The following MSI2 variants were observed in gnomAD, a reference collection of about 807,000 sequenced individuals.
The protein encoded by MSI2 is musashi RNA binding protein 2.
A neutral mutation model predicts 45.6 loss-of-function variants in MSI2; 17 were observed. The ratio of observed to expected loss-of-function variants is 0.37; its 90% confidence interval spans 0.26 to 0.56. The LOEUF is 0.56. Among genes scored for constraint, MSI2 ranks in the 20% least tolerant of loss-of-function variants. MSI2 has a pLI of 0.77. For missense variants in MSI2, 293 were observed against 444.2 expected, an observed-to-expected ratio of 0.66 and a Z score of 3.06; for synonymous variants, 156 against 158.2, an observed-to-expected ratio of 0.99 and a Z score of 0.11.
chr17:57,296,189 A>G (rs887500034), intron 5 of MSI2, among the ~76,000 whole-genome samples: 3 of 152,054 alleles, frequency 2.0e-5, no homozygotes, highest in Admixed American at 6.6e-5. Context: ...GATTATTAAT[A>G]AATTGAGACA....
intron 6 of MSI2, chr17:57,449,060 G>A (rs2084949798): frequency 6.6e-6 from 1 of 152,412 alleles, no homozygotes; most frequent in Admixed American, 6.5e-5. Context: ...AGCTAGGGTT[G>A]ACACCCACAT....
the MSI2 span, among the ~76,000 whole-genome samples, chr17:57,699,291 G>A: frequency 2.0e-5 from 3 of 150,846 alleles, no homozygotes; most frequent in Non-Finnish European, 1.5e-5. Flanking sequence ...GAGAGAGAGA[G>A]AGTGTGTAAG....
intron 6 of MSI2, among the ~76,000 whole-genome samples, chr17:57,473,369 C>G (rs769701970): frequency 1.3e-5 from 2 of 152,182 alleles, no homozygotes; most frequent in African/African-American, 2.4e-5. Flanking sequence ...ACTCATTCCC[C>G]AAAGAGAGAT....
At chr17:57,642,411 TA>T (rs1418662076) in intron 10 of MSI2, among the ~76,000 whole-genome samples, 1 of 152,234 alleles carries the variant, frequency 6.6e-6, no homozygotes, top group African/African-American at 2.4e-5. Flanking sequence ...GCATTTGGTG[TA>T]GCCACGCCCA....
chr17:57,548,898 T>TCCCCCCCCCCCCCC (rs758120237), intron 7 of MSI2, among the ~76,000 whole-genome samples: 82 of 121,270 alleles, frequency 6.8e-4, no homozygotes, highest in South Asian at 1.1e-3. Context: ...TGTTTACCCT[T>TCCCCCCCCCCCCCC]CCCCCCCCCA....
At chr17:57,272,239 C>G (rs1908441505) in intron 5 of MSI2, among the ~76,000 whole-genome samples, 1 of 152,184 alleles carries the variant, frequency 6.6e-6, no homozygotes, top group Admixed American at 6.5e-5. Flanking sequence ...CCTAAAGAGG[C>G]CGTGAATGTT....
rs529483866 is a variant in MSI2, at chr17:57,543,085, C to T, written c.454+13361C>T. Among the ~76,000 whole-genome samples the T allele has an allele frequency of 4.4e-4, 67 of 152,324 alleles. No individual in the cohort carries two copies. In the Middle Eastern group the frequency reaches 0.014, roughly 31 times the overall value. On this transcript the variant is annotated intron_variant, in intron 7 of 13. Transcript: ENST00000284073. The stretch of plus-strand genomic sequence containing the variant: ...AACTGAGAATGGTTCCTACTCAATG[C>T]TTCCCATCTCAACTTCCTTTGCTCT...
At chr17:57,507,769 C>T (rs1298951108) in intron 6 of MSI2, among the ~76,000 whole-genome samples, 5 of 152,242 alleles carry the variant, frequency 3.3e-5, no homozygotes, top group South Asian at 4.1e-4. Context: ...ACGTCCACTC[C>T]GGTGTATTTG....
intron 6 of MSI2, among the ~76,000 whole-genome samples, chr17:57,452,525 A>C (rs1255877810): frequency 2.6e-5 from 4 of 152,220 alleles, no homozygotes; most frequent in African/African-American, 7.2e-5. Flanking sequence ...CTGTTGCAGC[A>C]GTCTTAACAA....
At chr17:57,454,358 A>T (rs1274001569) in intron 6 of MSI2, among the ~76,000 whole-genome samples, 1 of 151,732 alleles carries the variant, frequency 6.6e-6, no homozygotes, top group Non-Finnish European at 1.5e-5. Flanking sequence ...AGCCCGCCTC[A>T]TCTTCCCTGT....
intron 5 of MSI2, among the ~76,000 whole-genome samples, chr17:57,388,909 CTCCCAG>C (rs1351868169): frequency 2.0e-5 from 3 of 152,076 alleles, no homozygotes; most frequent in African/African-American, 4.8e-5. Context: ...CTGCCTCTGC[CTCCCAG>C]AGTGCTGAGA....
intron 5 of MSI2, chr17:57,365,131 G>A (rs997540988): frequency 3.9e-5 from 6 of 152,212 alleles, no homozygotes; most frequent in Non-Finnish European, 5.9e-5. Flanking sequence ...GTCATGTGCA[G>A]AGAAATGTAT....
At chr17:57,633,121 T>C in intron 10 of MSI2, 1 of 1,027,550 alleles carries the variant, frequency 9.7e-7, no homozygotes, top group South Asian at 4.6e-5. Context: ...TTCTCCCTGA[T>C]GACGTTTTAT....
intron 6 of MSI2, among the ~76,000 whole-genome samples, chr17:57,440,518 G>C (rs2084780992): frequency 6.9e-6 from 1 of 144,730 alleles, no homozygotes. Flanking sequence ...GCTAAAAGAG[G>C]TTAAGAGGAG....
intron 5 of MSI2, among the ~76,000 whole-genome samples, chr17:57,376,260 A>G (rs1468976778): frequency 1.3e-5 from 2 of 152,192 alleles, no homozygotes; most frequent in African/African-American, 2.4e-5. Context: ...GGTATACAAT[A>G]CTTTGGAAAT....
At position 57,674,417 on chromosome 17, in the gene MSI2, C is replaced by T. The variant is rs114087476; in HGVS notation, c.791-555C>T. Reference sequence around the variant, plus strand: ...ACACACAAAAAAAGATCAAAAATCCCCTCTGCAAAGATTTTTTTTTTCCTG... The same window carrying T: ...ACACACAAAAAAAGATCAAAAATCCTCTCTGCAAAGATTTTTTTTTTCCTG... On this transcript the variant is annotated intron_variant, in intron 11 of 13. Transcript: ENST00000284073. 6.0e-3 allele frequency among the ~76,000 whole-genome samples: 911 copies of T among 151,732 alleles called. 10 individuals are homozygous for T. Among genetic ancestry groups the T allele is most frequent in the African/African-American group, 0.021 (872 of 41,184 alleles).
intron 5 of MSI2, among the ~76,000 whole-genome samples, chr17:57,272,402 G>A (rs1287182912): frequency 6.6e-6 from 1 of 152,180 alleles, no homozygotes; most frequent in African/African-American, 2.4e-5. Context: ...CAAACCAAGA[G>A]TGTGAAAAGT....
intron 6 of MSI2, among the ~76,000 whole-genome samples, chr17:57,521,655 T>C (rs891704473): frequency 6.6e-6 from 1 of 152,188 alleles, no homozygotes; most frequent in East Asian, 1.9e-4. Context: ...AGGGCCTGTC[T>C]ACACACACAT....
At chr17:57,670,142 C>G (rs1440645948) in intron 11 of MSI2, among the ~76,000 whole-genome samples, 1 of 152,222 alleles carries the variant, frequency 6.6e-6, no homozygotes, top group Non-Finnish European at 1.5e-5. Context: ...GCCTTAGAGC[C>G]AGAGGTGCCC....
Sources: gnomAD v4.1 joint callset for allele counts (sites outside exome capture counted in the v4.1 genomes callset) on GRCh38, gnomAD v4.1.1 for gene constraint, MANE v1.5 for transcripts, NCBI Gene and HGNC (gene_info 2026-07-23, HGNC 2026-07-21) for gene names.